The following RBP5 variants were observed in gnomAD, a reference collection of about 807,000 sequenced individuals.
RBP5 encodes the protein retinol binding protein 5.
A neutral mutation model predicts 17.8 loss-of-function variants in RBP5; 12 were observed. The ratio of observed to expected loss-of-function variants is 0.67; its 90% CI spans 0.43 to 1.09. The LOEUF (loss-of-function observed/expected upper bound fraction) is 1.09, where lower values mean the gene tolerates loss of function less well. Among genes scored for constraint, RBP5 ranks in the 50% least tolerant of loss-of-function variants. The pLI is 0.00. For missense variants in RBP5, 172 were observed against 169.4 expected (o/e 1.02, Z -0.09); for synonymous variants, 64 against 68.1 (o/e 0.94, Z 0.30).
At chr12:7,121,177 A>G (rs1017619514), downstream of RBP5, 1 of 152,218 alleles carries the variant, frequency 6.6e-6, no homozygotes, top group South Asian at 2.1e-4. Context: ...CCTCATCTCC[A>G]TCGTCCGCAT....
chr12:7,128,484 C>A lies in RBP5; in HGVS notation c.74-66G>T, dbSNP rs1216648029. On this transcript the variant is annotated intron_variant, in intron 1 of 3. Transcript: ENST00000266560. The surrounding 1 kb of genome is among the most constrained non-coding windows in gnomAD (Gnocchi z 5.3). ...CAGGAGCTCCTCTGCCTGCAGCAGC[C>A]CCTCAGGGCTGTGAGTTTCCCTTCT... is the stretch of plus-strand genomic sequence containing the variant. 1 of 1,525,460 alleles carries A rather than the reference C, an allele frequency of 6.6e-7. No homozygotes were observed. The highest frequency in any genetic ancestry group is 1.7e-5 in the Admixed American group (1 of 58,156). The allele number at this position is 1,525,460 out of a possible 1,614,324, so 94.5% of individuals were successfully genotyped here. A position where few individuals can be genotyped will look rare whatever the true frequency, so the allele number is the denominator to read the frequency against.
downstream of RBP5, chr12:7,120,568 A>G (rs1939067213): frequency 6.4e-6 from 1 of 155,730 alleles, no homozygotes; most frequent in Admixed American, 6.5e-5. Flanking sequence ...CTGTACCTAC[A>G]AGGTCTCCCC....
upstream of RBP5, chr12:7,129,119 G>C (rs1398845969): frequency 3.2e-6 from 1 of 311,674 alleles, no homozygotes; most frequent in African/African-American, 2.1e-5. This position sits in a 1 kb window ranked among gnomAD's most constrained non-coding sequence, Gnocchi z 5.5. Flanking sequence ...GGGGCTGTCA[G>C]TCATCCAAAA....
At chr12:7,125,880 A>T (rs1442185951) in intron 2 of RBP5, among the ~76,000 whole-genome samples, 1 of 152,140 alleles carries the variant, frequency 6.6e-6, no homozygotes, top group African/African-American at 2.4e-5. Context: ...GAGTGACATG[A>T]TCACATTTAT....
chr12:7,121,925 G>C (rs1939086989), downstream of RBP5: 1 of 154,818 alleles, frequency 6.5e-6, no homozygotes, highest in Non-Finnish European at 1.5e-5. Context: ...GTCTGGTGTG[G>C]GACCCACCTG....
At chr12:7,122,860 C>CTTTTTTT (rs1055172632), downstream of RBP5, among the ~76,000 whole-genome samples, 1 of 149,706 alleles carries the variant, frequency 6.7e-6, no homozygotes, top group Non-Finnish European at 1.5e-5. Context: ...CCCTGAGTTC[C>CTTTTTTT]TTTTTTTTTT....
chr12:7,124,313 T>C lies in RBP5; in HGVS notation c.355-139A>G. On this transcript the variant is annotated intron_variant, in intron 3 of 3. Transcript: ENST00000266560. The surrounding 1 kb of genome is among the most constrained non-coding windows in gnomAD (Gnocchi z 5.3). Reference sequence around the variant, plus strand: ...GTTTGATGTATGGGCAATTGTATCATTATTCCACATCCTCAACTTTCCACC... The same window carrying C: ...GTTTGATGTATGGGCAATTGTATCACTATTCCACATCCTCAACTTTCCACC... 1.3e-6 allele frequency: 1 copy of C among 753,892 alleles called. No individual in the cohort carries two copies. Among genetic ancestry groups the C allele is most frequent in the Non-Finnish European group, 2.3e-6 (1 of 437,710 alleles). The allele number at this position is 753,892 out of a possible 1,614,324, so 46.7% of individuals were successfully genotyped here.
chr12:7,129,818 G>C, upstream of RBP5: 1 of 985,668 alleles, frequency 1.0e-6, no homozygotes, highest in Non-Finnish European at 1.2e-6. The surrounding 1 kb of genome is among the most constrained non-coding windows in gnomAD (Gnocchi z 5.5). Context: ...GAGGCGGCCG[G>C]TCCCGACAGG....
chr12:7,119,830 A>G (rs980699712), downstream of RBP5, among the ~76,000 whole-genome samples: 3 of 152,216 alleles, frequency 2.0e-5, no homozygotes, highest in Admixed American at 1.3e-4. Flanking sequence ...GGGCTGGCCA[A>G]TGTGGCTCAT....
chr12:7,118,354 CAG>C (rs1196868516), intron 3 of RBP5: 1 of 152,330 alleles, frequency 6.6e-6, no homozygotes, highest in Non-Finnish European at 1.5e-5. Flanking sequence ...AAAGACAAGA[CAG>C]AAGGTGGATC....
chr12:7,124,311 C>A lies in RBP5; in HGVS notation c.355-137G>T. On this transcript the variant is annotated intron_variant, in intron 3 of 3. Coordinates refer to ENST00000266560, the MANE Select transcript of RBP5 (RefSeq NM_031491.4). This position sits in a 1 kb window ranked among gnomAD's most constrained non-coding sequence, Gnocchi z 5.3. Reference sequence around the variant, plus strand: ...GTGTTTGATGTATGGGCAATTGTATCATTATTCCACATCCTCAACTTTCCA... The same window carrying A: ...GTGTTTGATGTATGGGCAATTGTATAATTATTCCACATCCTCAACTTTCCA... 1 of 752,768 alleles carries A rather than the reference C, an allele frequency of 1.3e-6. No homozygotes were observed. Among genetic ancestry groups the A allele is most frequent in the Non-Finnish European group, 2.3e-6 (1 of 436,882 alleles). 46.6% of individuals were successfully genotyped at this position (752,768 alleles called of 1,614,324 possible). A position where few individuals can be genotyped will look rare whatever the true frequency, so the allele number is the denominator to read the frequency against.
chr12:7,127,240 C>T (rs778903239), intron 2 of RBP5, among the ~76,000 whole-genome samples: 31 of 152,100 alleles, frequency 2.0e-4, no homozygotes, highest in East Asian at 1.2e-3. Flanking sequence ...GTGATCCGCC[C>T]GCCTTGGCCT....
Position 7,124,621 on chromosome 12 carries a change from C to G in RBP5, c.354+8G>C, listed in dbSNP as rs1939129110. On this transcript the variant is annotated splice_region_variant and intron_variant, in intron 3 of 3. Coordinates refer to ENST00000266560, the MANE Select transcript of RBP5 (RefSeq NM_031491.4). This position sits in a 1 kb window ranked among gnomAD's most constrained non-coding sequence, Gnocchi z 5.3. The stretch of plus-strand genomic sequence containing the variant: ...TTCTCCCAGACACCCAGCCCCCACC[C>G]CATTTACCAGATACAGCATCTCTCC... The G allele has an allele frequency of 6.6e-7, 1 of 1,520,192 alleles. No individual in the cohort carries two copies. The highest frequency in any genetic ancestry group is 9.1e-7 in the Non-Finnish European group (1 of 1,094,734). 94.2% of individuals were successfully genotyped at this position (1,520,192 alleles called of 1,614,324 possible). A position where few individuals can be genotyped will look rare whatever the true frequency, so the allele number is the denominator to read the frequency against.
In RBP5 at chr12:7,123,976, A is replaced by T; in HGVS notation, c.*145T>A. The T allele has an allele frequency of 1.4e-6, 1 of 724,352 alleles. No individual in the cohort carries two copies. 44.9% of individuals were successfully genotyped at this position (724,352 alleles called of 1,614,324 possible). ...TGGGGGCTGCAAGTTACAGATTAAC[A>T]CGGGGAGGGGTGAGGAGGGACCCAG... is the stretch of plus-strand genomic sequence containing the variant. On this transcript the variant is annotated 3_prime_UTR_variant, in exon 4 of 4. Transcript: ENST00000266560.
rs1939226937 is a variant in RBP5, at chr12:7,128,876, CAG to C, written c.-103_-102del. ...GAGAGATTCCAGCCAGCTCCACACA[CAG>C]AGACAGGATGTGTAATGGCCGGGTT... On this transcript the variant is annotated 5_prime_UTR_variant, in exon 1 of 4. Coordinates refer to ENST00000266560, the MANE Select transcript of RBP5 (RefSeq NM_031491.4). This position sits in a 1 kb window ranked among gnomAD's most constrained non-coding sequence, Gnocchi z 5.3. The C allele has an allele frequency of 1.1e-6, 1 of 944,362 alleles. No individual in the cohort carries two copies. Among genetic ancestry groups the C allele is most frequent in the African/African-American group, 1.6e-5 (1 of 61,334 alleles). 58.5% of individuals were successfully genotyped at this position (944,362 alleles called of 1,614,324 possible).
Position 7,128,229 on chromosome 12 carries a change from G to C in RBP5, c.252+11C>G, listed in dbSNP as rs757855859. ...CTCCTTCCGGCCACCGCCCAGCCAGGGGAAATGTACCTGGCATTTTCGTCC... is the reference window on the plus strand; with the variant it reads ...CTCCTTCCGGCCACCGCCCAGCCAGCGGAAATGTACCTGGCATTTTCGTCC... On this transcript the variant is annotated intron_variant, in intron 2 of 3. Coordinates refer to ENST00000266560, the MANE Select transcript of RBP5 (RefSeq NM_031491.4). The surrounding 1 kb of genome is among the most constrained non-coding windows in gnomAD (Gnocchi z 5.3). 1 of 1,602,296 alleles carries C rather than the reference G, an allele frequency of 6.2e-7. No individual in the cohort carries two copies. The highest frequency in any genetic ancestry group is 1.7e-5 in the Admixed American group (1 of 59,238).
chr12:7,124,860 G>A lies in RBP5; in HGVS notation c.253-130C>T, dbSNP rs567163598. On this transcript the variant is annotated intron_variant, in intron 2 of 3. Transcript: ENST00000266560. The surrounding 1 kb of genome is among the most constrained non-coding windows in gnomAD (Gnocchi z 5.3). Reference sequence around the variant, plus strand: ...GTCTGCTGCAGCCCCTCCACTGAGCGAGGGAGCTGCTCTGATTCAGCAGGA... The same window carrying A: ...GTCTGCTGCAGCCCCTCCACTGAGCAAGGGAGCTGCTCTGATTCAGCAGGA... The A allele has an allele frequency of 9.4e-5, 58 of 618,120 alleles. No homozygotes were observed. The highest frequency in any genetic ancestry group is 5.0e-5 in the Non-Finnish European group (17 of 339,776). The allele number at this position is 618,120 out of a possible 1,614,324, so 38.3% of individuals were successfully genotyped here.
At chr12:7,125,711 G>A (rs868226255) in intron 2 of RBP5, among the ~76,000 whole-genome samples, 1 of 152,214 alleles carries the variant, frequency 6.6e-6, no homozygotes, top group South Asian at 2.1e-4. Flanking sequence ...GCTAGAAATA[G>A]CGGTAAAAGA....
rs117242644 is a variant in RBP5 at position 7,125,878 on chromosome 12, T to G, written c.253-1148A>C. Among the ~76,000 whole-genome samples, 250 of 152,116 alleles carry G rather than the reference T, an allele frequency of 1.6e-3. 2 individuals are homozygous for G. Among genetic ancestry groups the G allele is most frequent in the Non-Finnish European group, 3.0e-3 (202 of 68,002 alleles). On this transcript the variant is annotated intron_variant, in intron 2 of 3. Transcript: ENST00000266560. ...AAAGGGTGTAAGTCAGAGAGTGACATGATCACATTTATGTTTTAAGTAGAC... is the reference window on the plus strand; with the variant it reads ...AAAGGGTGTAAGTCAGAGAGTGACAGGATCACATTTATGTTTTAAGTAGAC...
Sources: allele counts gnomAD v4.1 joint callset (sites outside exome capture counted in the v4.1 genomes callset), GRCh38; gene constraint gnomAD v4.1.1; non-coding constraint Gnocchi (gnomAD v3.1); transcripts MANE v1.5; gene names NCBI Gene and HGNC (gene_info 2026-07-23, HGNC 2026-07-21).